ZNF827: variants seen among roughly 807,000 people sequenced by gnomAD.
The protein encoded by ZNF827 is zinc finger protein 827.
Under a neutral mutation model 102.4 loss-of-function variants are expected in ZNF827, and 13 were observed. That is an observed-to-expected ratio of 0.13 (90% CI 0.08 to 0.20). ZNF827 has a LOEUF of 0.20. Ranked by LOEUF, ZNF827 falls within the 10% of genes least tolerant of loss-of-function variation. ZNF827 has a pLI of 1.00. For synonymous variants in ZNF827, 523 were observed against 536.2 expected, an observed-to-expected ratio of 0.98 and a Z score of 0.34; for missense variants, 1,103 against 1,344.4, an observed-to-expected ratio of 0.82 and a Z score of 2.81.
intron 8 of ZNF827, among the ~76,000 whole-genome samples, chr4:145,813,657 T>C (rs1364221307): frequency 1.3e-5 from 2 of 152,218 alleles, no homozygotes; most frequent in African/African-American, 4.8e-5. Context: ...ACCCGTATTA[T>C]AATCAGTCTT....
At position 145,813,337 on chromosome 4, in the gene ZNF827, T is replaced by G. The variant is rs74612464; in HGVS notation, c.2383+10085A>C. ...GAGAGAAGGACCACATTCACATAAC[T>G]TTTATTATAGTATGTTGTTATTAAA... On this transcript the variant is annotated intron_variant, in intron 8 of 14. Transcript: ENST00000508784. 2.3e-3 allele frequency among the ~76,000 whole-genome samples: 348 copies of G among 152,302 alleles called. 1 individual carries two copies. The highest frequency in any genetic ancestry group is 8.3e-3 in the African/African-American group (343 of 41,542).
intron 3 of ZNF827, 118 bp downstream of exon 3, chr4:145,892,125 C>A: frequency 1.1e-6 from 1 of 939,244 alleles, no homozygotes; most frequent in Non-Finnish European, 1.5e-6. Flanking sequence ...GTACTGTCAT[C>A]CGCATGTTTC....
chr4:145,857,779 C>T (rs1315471009), intron 5 of ZNF827, among the ~76,000 whole-genome samples: 1 of 152,134 alleles, frequency 6.6e-6, no homozygotes, highest in Non-Finnish European at 1.5e-5. Context: ...TAAAACCTCT[C>T]CCAATCATCT....
intron 1 of ZNF827, among the ~76,000 whole-genome samples, chr4:145,920,952 C>T (rs1753020796): frequency 6.6e-6 from 1 of 152,166 alleles, no homozygotes; most frequent in South Asian, 2.1e-4. Context: ...TTTAAAAGCT[C>T]ACAGTCAATA....
intron 1 of ZNF827, among the ~76,000 whole-genome samples, chr4:145,931,618 T>C (rs1753812325): frequency 6.6e-6 from 1 of 152,202 alleles, no homozygotes; most frequent in Non-Finnish European, 1.5e-5. Flanking sequence ...TCTGATTAAA[T>C]TATACAAAAT....
intron 1 of ZNF827, among the ~76,000 whole-genome samples, chr4:145,913,958 A>G (rs1375772149): frequency 1.3e-5 from 2 of 152,172 alleles, no homozygotes; most frequent in African/African-American, 4.8e-5. Flanking sequence ...AGCCCTAACC[A>G]TATAACAATG....
intron 8 of ZNF827, among the ~76,000 whole-genome samples, chr4:145,786,467 G>GT (rs1216572791): frequency 4.7e-4 from 72 of 152,328 alleles, no homozygotes; most frequent in African/African-American, 1.7e-3. Flanking sequence ...GGCCGCTTGG[G>GT]TTTTCCATTG....
intron 8 of ZNF827, among the ~76,000 whole-genome samples, chr4:145,816,151 T>C (rs1284548568): frequency 1.3e-5 from 2 of 152,252 alleles, no homozygotes; most frequent in Non-Finnish European, 2.9e-5. Context: ...ATTATAGGTG[T>C]GGGCCACCAC....
In ZNF827 at chr4:145,892,399, A is replaced by G. The variant is rs74895119; in HGVS notation, c.1110T>C (p.Ser370=). 2.4e-4 allele frequency: 386 copies of G among 1,613,718 alleles called. No homozygotes were observed. The African/African-American group carries it at 3.5e-3, about 15-fold the overall frequency. Residue 370 remains serine (S), a synonymous_variant, in exon 3 of 15, where the codon AGT becomes AGC. Coordinates refer to ENST00000508784, the MANE Select transcript of ZNF827 (RefSeq NM_001306215.2). ...ATATTGGACACTGGAAAGGCTTTCCACTTTCCTCTTCTGAGGCTTGGAAGA... is the reference window on the plus strand; with the variant it reads ...ATATTGGACACTGGAAAGGCTTTCCGCTTTCCTCTTCTGAGGCTTGGAAGA... ...KPSNSASEEE[S]GKPFQCPICG... is the part of the protein sequence containing the mutation.
chr4:145,935,976 A>AT lies in ZNF827; in HGVS notation c.43+2388dup, dbSNP rs766647133. On this transcript the variant is annotated intron_variant, in intron 1 of 14. Transcript: ENST00000508784. ...CCACCCTCCCTCTAACCCCGCCAAC[A>AT]TTTTTTTTTTTAAAGCAGGGGGAGA... 1.6e-3 allele frequency among the ~76,000 whole-genome samples: 234 copies of AT among 147,116 alleles called. 1 individual carries two copies. Among genetic ancestry groups the AT allele is most frequent in the African/African-American group, 3.6e-3 (144 of 40,242 alleles).
At chr4:145,845,786 C>G (rs565293864) in intron 7 of ZNF827, among the ~76,000 whole-genome samples, 170 bp downstream of exon 7, 2 of 152,204 alleles carry the variant, frequency 1.3e-5, no homozygotes, top group African/African-American at 2.4e-5. Flanking sequence ...TCCTCCTTTA[C>G]GTCTGTATTG....
chr4:145,851,827 A>C (rs1746566012), intron 5 of ZNF827, among the ~76,000 whole-genome samples: 1 of 152,218 alleles, frequency 6.6e-6, no homozygotes, highest in African/African-American at 2.4e-5. Flanking sequence ...GAAGAAGAAG[A>C]AAGCTGTCCA....
At chr4:145,783,183 T>C (rs956583617) in intron 8 of ZNF827, among the ~76,000 whole-genome samples, 3 of 152,228 alleles carry the variant, frequency 2.0e-5, no homozygotes, top group African/African-American at 7.2e-5. Flanking sequence ...TTTTGCATTA[T>C]TTATTTGTGT....
chr4:145,787,168 G>T (rs1738973060), intron 8 of ZNF827, among the ~76,000 whole-genome samples: 1 of 152,206 alleles, frequency 6.6e-6, no homozygotes. Flanking sequence ...GAAGAATTGA[G>T]AAATAGTTTT....
At chr4:145,894,812 T>C (rs893160468) in intron 2 of ZNF827, among the ~76,000 whole-genome samples, 2 of 152,182 alleles carry the variant, frequency 1.3e-5, no homozygotes, top group East Asian at 1.9e-4. Context: ...TTTTTGTGAA[T>C]TGCCTCTGCC....
intron 8 of ZNF827, among the ~76,000 whole-genome samples, chr4:145,797,255 G>A (rs892119523): frequency 4.6e-5 from 7 of 152,266 alleles, no homozygotes; most frequent in Middle Eastern, 3.4e-3. Flanking sequence ...GCTCGAATCC[G>A]AACTTGGGTT....
intron 8 of ZNF827, among the ~76,000 whole-genome samples, chr4:145,785,871 C>T (rs1738784014): frequency 6.6e-6 from 1 of 152,208 alleles, no homozygotes; most frequent in South Asian, 2.1e-4. Flanking sequence ...TACACATGTG[C>T]AGATTTAGCA....
intron 8 of ZNF827, among the ~76,000 whole-genome samples, chr4:145,791,964 CT>C (rs1347431089): frequency 6.6e-6 from 1 of 152,008 alleles, no homozygotes; most frequent in Non-Finnish European, 1.5e-5. Context: ...TTCCCTTATA[CT>C]GCACACAATT....
intron 1 of ZNF827, among the ~76,000 whole-genome samples, chr4:145,913,602 G>A (rs955504563): frequency 6.6e-6 from 1 of 151,888 alleles, no homozygotes; most frequent in Non-Finnish European, 1.5e-5. Context: ...TCACCAAAAG[G>A]CCAATCTAAA....
Sources: allele counts gnomAD v4.1 joint callset (sites outside exome capture counted in the v4.1 genomes callset), GRCh38; gene constraint gnomAD v4.1.1; transcripts MANE v1.5; gene names NCBI Gene and HGNC (gene_info 2026-07-23, HGNC 2026-07-21).